CNTN5: variants seen among roughly 807,000 people sequenced by gnomAD.
CNTN5 encodes the protein contactin 5.
A neutral mutation model predicts 129.1 loss-of-function variants in CNTN5; 77 were observed. The observed-to-expected ratio is 0.60, with a 90% CI of 0.50 to 0.72. CNTN5 has a LOEUF of 0.72. CNTN5 is among the 30% of genes least tolerant of loss of function. CNTN5 has a pLI of 0.00. For missense variants in CNTN5, 1,478 were observed against 1,328.8 expected, an observed-to-expected ratio of 1.11 and a Z score of -1.75; for synonymous variants, 509 against 465.6, an observed-to-expected ratio of 1.09 and a Z score of -1.20.
intron 2 of CNTN5, among the ~76,000 whole-genome samples, chr11:99,390,242 T>G (rs1014338314): frequency 8.5e-5 from 13 of 152,048 alleles, no homozygotes; most frequent in African/African-American, 3.1e-4. Context: ...CTCAAACTAC[T>G]GAGTAGCCAG....
intron 1 of CNTN5, among the ~76,000 whole-genome samples, chr11:99,321,225 C>T (rs377082664): frequency 2.1e-5 from 3 of 141,286 alleles, no homozygotes; most frequent in East Asian, 2.0e-4. Context: ...CACACACACA[C>T]GTGTGCACAT....
intron 16 of CNTN5, among the ~76,000 whole-genome samples, chr11:100,231,095 G>A (rs1045039045): frequency 2.0e-5 from 3 of 152,292 alleles, no homozygotes; most frequent in South Asian, 2.1e-4. Flanking sequence ...TCTAGAGTGC[G>A]AGAGGGAGAC....
intron 8 of CNTN5, among the ~76,000 whole-genome samples, chr11:99,997,934 G>A (rs890119749): frequency 1.3e-5 from 2 of 152,042 alleles, no homozygotes; most frequent in African/African-American, 4.8e-5. Flanking sequence ...ATACAGAAAA[G>A]GCCTTTGACA....
chr11:99,500,561 C>T (rs75215670), intron 2 of CNTN5, among the ~76,000 whole-genome samples: 2,986 of 151,610 alleles, frequency 0.02, 137 homozygotes, highest in East Asian at 0.13. Flanking sequence ...TCTATACATT[C>T]TGTGTGAAAC....
intron 3 of CNTN5, among the ~76,000 whole-genome samples, chr11:99,772,679 A>G (rs1944986217): frequency 6.6e-6 from 1 of 152,116 alleles, no homozygotes; most frequent in Admixed American, 6.6e-5. Context: ...TCATTTCAAC[A>G]TGTCATAATA....
At chr11:99,390,839 G>A (rs987582260) in intron 2 of CNTN5, among the ~76,000 whole-genome samples, 9 of 151,750 alleles carry the variant, frequency 5.9e-5, no homozygotes, top group Admixed American at 1.3e-4. Context: ...TACTAACATA[G>A]GCATTTAATT....
At chr11:99,463,085 G>A (rs1185059497) in intron 2 of CNTN5, among the ~76,000 whole-genome samples, 1 of 141,928 alleles carries the variant, frequency 7.0e-6, no homozygotes, top group Non-Finnish European at 1.5e-5. Context: ...TCCAGCCTGG[G>A]CTAGAGAGCA....
chr11:100,085,078 G>C (rs1211918330), intron 13 of CNTN5, among the ~76,000 whole-genome samples: 10 of 149,742 alleles, frequency 6.7e-5, no homozygotes, highest in Admixed American at 6.6e-4. Flanking sequence ...GGCCACTTAA[G>C]GGGGAGTAAA....
intron 2 of CNTN5, among the ~76,000 whole-genome samples, chr11:99,381,981 A>AAAACAAAC (rs34922827): frequency 5.3e-5 from 8 of 151,238 alleles, no homozygotes; most frequent in East Asian, 3.9e-4. Flanking sequence ...TCTCCCTTTA[A>AAAACAAAC]AAACAAACAA....
At chr11:99,776,184 T>C (rs1162974549) in intron 3 of CNTN5, among the ~76,000 whole-genome samples, 1 of 81,258 alleles carries the variant, frequency 1.2e-5, no homozygotes, top group Non-Finnish European at 2.8e-5. Flanking sequence ...TTTATGGGGT[T>C]AAATTCAGTA....
At chr11:99,307,005 C>A (rs1004406254) in intron 1 of CNTN5, among the ~76,000 whole-genome samples, 2 of 152,100 alleles carry the variant, frequency 1.3e-5, no homozygotes, top group Non-Finnish European at 2.9e-5. Context: ...ATCATTCCTA[C>A]ATTCTATTAG....
chr11:99,243,924 C>T (rs1300484921), intron 1 of CNTN5, among the ~76,000 whole-genome samples: 1 of 151,780 alleles, frequency 6.6e-6, no homozygotes, highest in Admixed American at 6.6e-5. Flanking sequence ...ATTCTTTTTG[C>T]TAAGGGTCAC....
intron 2 of CNTN5, among the ~76,000 whole-genome samples, chr11:99,335,144 C>T (rs1173277393): frequency 6.6e-6 from 1 of 152,130 alleles, no homozygotes; most frequent in Non-Finnish European, 1.5e-5. Flanking sequence ...GTGTCAGAAG[C>T]TGTTCTATGA....
chr11:99,131,437 A>G (rs1858932398), intron 1 of CNTN5, among the ~76,000 whole-genome samples: 1 of 151,962 alleles, frequency 6.6e-6, no homozygotes, highest in South Asian at 2.1e-4. Context: ...AGAGACTCAA[A>G]AAACCCTTCA....
intron 3 of CNTN5, among the ~76,000 whole-genome samples, chr11:99,761,978 C>T (rs1944596835): frequency 8.7e-6 from 1 of 115,310 alleles, no homozygotes; most frequent in Non-Finnish European, 2.0e-5. Flanking sequence ...GAGATGGTAT[C>T]TCATTGTGGT....
intron 6 of CNTN5, among the ~76,000 whole-genome samples, chr11:99,907,565 T>A (rs114713663): frequency 0.028 from 4,318 of 151,840 alleles, 95 homozygotes; most frequent in Non-Finnish European, 0.042. Context: ...TATACATATA[T>A]TATTAAAAAT....
At chr11:99,641,338 A>T (rs538655834) in intron 3 of CNTN5, among the ~76,000 whole-genome samples, 5 of 152,298 alleles carry the variant, frequency 3.3e-5, no homozygotes, top group African/African-American at 1.2e-4. Context: ...TAATAATGAA[A>T]CAATAGGAAA....
chr11:99,150,310 T>A (rs1347880114), intron 1 of CNTN5, among the ~76,000 whole-genome samples: 2 of 152,052 alleles, frequency 1.3e-5, no homozygotes, highest in Non-Finnish European at 2.9e-5. Context: ...TCTTATAAAA[T>A]GCCTGCTTAG....
intron 9 of CNTN5, among the ~76,000 whole-genome samples, chr11:100,035,111 T>A (rs1941913210): frequency 6.6e-6 from 1 of 152,104 alleles, no homozygotes; most frequent in African/African-American, 2.4e-5. Flanking sequence ...CCTAATGCTA[T>A]CCCTCCCCAC....
Sources: gnomAD v4.1 joint callset for allele counts (sites outside exome capture counted in the v4.1 genomes callset) on GRCh38, gnomAD v4.1.1 for gene constraint, MANE v1.5 for transcripts, NCBI Gene and HGNC (gene_info 2026-07-23, HGNC 2026-07-21) for gene names.